The following NPIPB11 variants were observed in gnomAD, a reference collection of about 807,000 sequenced individuals.
NPIPB11 encodes nuclear pore complex-interacting protein family member B11.
In NPIPB11, 17 loss-of-function variants were observed where a neutral mutation model predicts 32.8. The ratio of observed to expected loss-of-function variants is 0.52; its 90% CI spans 0.35 to 0.78. The LOEUF (loss-of-function observed/expected upper bound fraction) is 0.78. NPIPB11 is among the 30% of genes least tolerant of loss of function. The pLI is 0.01. For synonymous variants in NPIPB11, 209 were observed against 398.4 expected, an observed-to-expected ratio of 0.52 and a Z score of 5.66; for missense variants, 537 against 1,000.4, an observed-to-expected ratio of 0.54 and a Z score of 6.25.
chr16:29,398,580 C>T (rs1471408295), intron 2 of NPIPB11, among the ~76,000 whole-genome samples: 1 of 151,580 alleles, frequency 6.6e-6, no homozygotes, highest in Non-Finnish European at 1.5e-5. Context: ...TTTGTTCCAG[C>T]AAATCTCAAT....
intron 2 of NPIPB11, among the ~76,000 whole-genome samples, chr16:29,394,685 G>C (rs529946569): frequency 6.6e-6 from 1 of 152,198 alleles, no homozygotes; most frequent in African/African-American, 2.4e-5. Flanking sequence ...GCCTGCCTCA[G>C]CCTCCCAAAG....
chr16:29,383,210 G>C, exon 8 of NPIPB11: 1 of 1,567,704 alleles, frequency 6.4e-7, no homozygotes, highest in Non-Finnish European at 8.7e-7. Context: ...CATCTGCTGA[G>C]GGTGGAGCTG....
chr16:29,398,849 C>T (rs1167195435), intron 2 of NPIPB11, among the ~76,000 whole-genome samples: 2 of 152,068 alleles, frequency 1.3e-5, no homozygotes, highest in Admixed American at 6.6e-5. Context: ...TCTCAAATCC[C>T]CCCTAACCCA....
intron 2 of NPIPB11, among the ~76,000 whole-genome samples, chr16:29,402,764 G>GTGTGTGTGTA (rs1451150111): frequency 1.4e-5 from 2 of 142,212 alleles, no homozygotes; most frequent in African/African-American, 5.4e-5. Flanking sequence ...GTGTGTGTGT[G>GTGTGTGTGTA]TATCTCTATA....
In NPIPB11 at chr16:29,383,293, C is replaced by CAA. The variant is rs1963540322; in HGVS notation, c.1638_1639insTT (p.Gly547LeufsTer51). 1.9e-6 allele frequency: 3 copies of CAA among 1,545,078 alleles called. No homozygotes were observed. Among genetic ancestry groups the CAA allele is most frequent in the African/African-American group, 1.5e-5 (1 of 66,072 alleles). On this transcript the variant is annotated frameshift_variant, in exon 8 of 8. Coordinates refer to ENST00000524087, the Ensembl canonical transcript of NPIPB11. LOFTEE classifies it low-confidence loss of function (END_TRUNC). ...TCATCCGCTGAGGGTGGAAGCGGCC[C>CAA]CCGCAGATGCTCGGCAGTTGTCTTG...
chr16:29,391,678 TC>T (rs1411804402), intron 3 of NPIPB11, among the ~76,000 whole-genome samples: 1 of 152,158 alleles, frequency 6.6e-6, no homozygotes, highest in African/African-American at 2.4e-5. Context: ...GCAAATCCCA[TC>T]TCAGATGTCG....
chr16:29,383,045 G>A lies in NPIPB11; in HGVS notation c.1887C>T (p.Cys629=), dbSNP rs544673170. 2.2e-5 allele frequency: 35 copies of A among 1,608,460 alleles called. 1 individual carries two copies. The highest frequency in any genetic ancestry group is 1.2e-4 in the South Asian group (11 of 90,672). ...TCCGCTGACGGTGGAAGCGGAACCC[G>A]CAGATGCTCAGCAGGTATCTTGATA... The change falls in exon 8 of 8, where the codon TGC becomes TGT. Residue 629 remains cysteine, a synonymous_variant. Transcript: ENST00000524087.
At chr16:29,394,665 C>T (rs1171827411) in intron 2 of NPIPB11, among the ~76,000 whole-genome samples, 1 of 152,100 alleles carries the variant, frequency 6.6e-6, no homozygotes, top group Non-Finnish European at 1.5e-5. Flanking sequence ...GAACTCCTGA[C>T]AGGCGATCTG....
At chr16:29,382,321 T>A in exon 8 of NPIPB11, 2 of 1,566,684 alleles carry the variant, frequency 1.3e-6, no homozygotes, top group Non-Finnish European at 1.7e-6. Flanking sequence ...GATATTATCA[T>A]CTGCTGAGGG....
intron 2 of NPIPB11, among the ~76,000 whole-genome samples, chr16:29,399,903 C>G (rs1480007251): frequency 6.6e-6 from 1 of 151,882 alleles, no homozygotes. Flanking sequence ...ATGGTGAAAC[C>G]CCGTCTCTAC....
chr16:29,381,766 GC>G lies in NPIPB11; in HGVS notation c.3165del (p.Pro1056ArgfsTer15). ...TTATCATCGGCTGAGGGTGGAAGCG[GC>G]CCCCGCAGACGCTCGGCAGGTGTCT... On this transcript the variant is annotated frameshift_variant, in exon 8 of 8. Transcript: ENST00000524087. LOFTEE classifies it high-confidence loss of function. 2 of 911,084 alleles carry G rather than the reference GC, an allele frequency of 2.2e-6. No homozygotes were observed. Among genetic ancestry groups the G allele is most frequent in the Non-Finnish European group, 3.2e-6 (2 of 629,426 alleles). 56.4% of individuals were successfully genotyped at this position (911,084 alleles called of 1,614,324 possible). A position where few individuals can be genotyped will look rare whatever the true frequency, so the allele number is the denominator to read the frequency against.
chr16:29,391,109 A>C (rs999867509), intron 3 of NPIPB11, among the ~76,000 whole-genome samples: 2 of 149,272 alleles, frequency 1.3e-5, no homozygotes, highest in African/African-American at 5.0e-5. Context: ...TCTACTAAAA[A>C]TACAAAAATT....
At chr16:29,402,319 T>A (rs1246645703) in intron 2 of NPIPB11, among the ~76,000 whole-genome samples, 1 of 116,876 alleles carries the variant, frequency 8.6e-6, no homozygotes, top group African/African-American at 3.9e-5. Flanking sequence ...TATTTGCATA[T>A]GTATTCTTTC....
intron 5 of NPIPB11, 58 bp downstream of exon 5, chr16:29,389,883 G>C: frequency 6.4e-7 from 1 of 1,572,042 alleles, no homozygotes; most frequent in South Asian, 1.1e-5. Context: ...CTTTACAGTT[G>C]TCTACTTTGA....
chr16:29,382,989 C>T (rs1287984140), exon 8 of NPIPB11: 30 of 1,600,594 alleles, frequency 1.9e-5, no homozygotes, highest in Non-Finnish European at 2.5e-5. Context: ...GGGGAGTGAG[C>T]TGACGCTCGG....
Position 29,384,113 on chromosome 16 carries a change from G to A in NPIPB11, c.819C>T (p.Pro273=), listed in dbSNP as rs1254128279. The change falls in exon 8 of 8, where the codon CCC becomes CCT. Residue 273 remains proline (P), a synonymous_variant. Coordinates refer to ENST00000524087, the Ensembl canonical transcript of NPIPB11. ...GATTATCATCCGCTGAGGGTGGAAG[G>A]GGAGTGAGCAGACACTCGAGAGGTG... is the stretch of plus-strand genomic sequence containing the variant. 5 of 1,254,488 alleles carry A rather than the reference G, an allele frequency of 4.0e-6. 1 individual carries two copies. In the East Asian group the frequency reaches 1.2e-4, roughly 29 times the overall value. The allele number at this position is 1,254,488 out of a possible 1,614,324, so 77.7% of individuals were successfully genotyped here.
chr16:29,403,268 A>C (rs2142141743), intron 2 of NPIPB11, among the ~76,000 whole-genome samples: 1 of 144,728 alleles, frequency 6.9e-6, no homozygotes, highest in East Asian at 2.0e-4. Flanking sequence ...AGTAGGGACG[A>C]GGTTTTGCCA....
intron 5 of NPIPB11, among the ~76,000 whole-genome samples, chr16:29,389,309 C>T (rs1176407039): frequency 2.7e-5 from 4 of 145,864 alleles, no homozygotes; most frequent in Admixed American, 1.4e-4. Flanking sequence ...TTGCAGTGAG[C>T]CAAGACTGCA....
chr16:29,382,975 G>A (rs1963524296), exon 8 of NPIPB11: 6 of 1,588,514 alleles, frequency 3.8e-6, no homozygotes, highest in South Asian at 2.2e-5. Context: ...AGCTGAGGGT[G>A]GAAGGGGAGT....
Sources: allele counts gnomAD v4.1 joint callset (sites outside exome capture counted in the v4.1 genomes callset), GRCh38; gene constraint gnomAD v4.1.1; transcripts MANE v1.5; gene names NCBI Gene and HGNC (gene_info 2026-07-23, HGNC 2026-07-21).